Variants in CACNA2D3 observed in about 807,000 individuals in gnomAD.
CACNA2D3 encodes the protein calcium voltage-gated channel auxiliary subunit alpha2delta 3.
A neutral mutation model predicts 160.6 loss-of-function variants in CACNA2D3; 60 were observed. The observed-to-expected ratio is 0.37, with a 90% CI of 0.30 to 0.46. CACNA2D3 has a LOEUF of 0.46. CACNA2D3 is among the 20% of genes least tolerant of loss of function. The pLI is 1.00. For missense variants in CACNA2D3, 1,205 were observed against 1,365.0 expected, an observed-to-expected ratio of 0.88 and a Z score of 1.85; for synonymous variants, 558 against 492.9, an observed-to-expected ratio of 1.13 and a Z score of -1.75.
chr3:54,809,626 C>G (rs1490453195), intron 13 of CACNA2D3, among the ~76,000 whole-genome samples: 2 of 149,706 alleles, frequency 1.3e-5, no homozygotes, highest in Admixed American at 6.6e-5. Context: ...CCCCTTCCTT[C>G]TTTCTTTCTT....
At chr3:54,883,055 C>CT (rs1328895392) in intron 21 of CACNA2D3, among the ~76,000 whole-genome samples, 1 of 152,114 alleles carries the variant, frequency 6.6e-6, no homozygotes, top group Non-Finnish European at 1.5e-5. Flanking sequence ...GAGTCTTGCT[C>CT]TGTTGCTGAG....
At chr3:54,745,818 A>G (rs765357699) in intron 11 of CACNA2D3, among the ~76,000 whole-genome samples, 4 of 151,524 alleles carry the variant, frequency 2.6e-5, no homozygotes. Flanking sequence ...CTGAATTGGA[A>G]TTTTTTTTTC....
At chr3:54,584,144 A>G (rs1033839393) in intron 9 of CACNA2D3, among the ~76,000 whole-genome samples, 1 of 152,320 alleles carries the variant, frequency 6.6e-6, no homozygotes, top group East Asian at 1.9e-4. Context: ...GTCTCATAAT[A>G]TAAAATCCAT....
At chr3:54,645,998 C>T (rs1237023960) in intron 11 of CACNA2D3, among the ~76,000 whole-genome samples, 1 of 151,926 alleles carries the variant, frequency 6.6e-6, no homozygotes, top group African/African-American at 2.4e-5. Context: ...GTGGGCAGGA[C>T]CTGTGGCTTG....
At chr3:54,594,230 C>T (rs1195531994) in intron 9 of CACNA2D3, among the ~76,000 whole-genome samples, 1 of 152,122 alleles carries the variant, frequency 6.6e-6, no homozygotes, top group Non-Finnish European at 1.5e-5. Context: ...GTGGGCCATA[C>T]AATTTCTGCT....
chr3:54,719,135 C>A (rs922339171), intron 11 of CACNA2D3, among the ~76,000 whole-genome samples: 1 of 140,944 alleles, frequency 7.1e-6, no homozygotes, highest in African/African-American at 2.6e-5. Context: ...CCTTTTATTT[C>A]TTTTTCTTAC....
chr3:54,185,356 T>A (rs1406326531), intron 2 of CACNA2D3, among the ~76,000 whole-genome samples: 1 of 152,204 alleles, frequency 6.6e-6, no homozygotes, highest in Non-Finnish European at 1.5e-5. Context: ...AATTCTACTT[T>A]AATTTTTTCC....
At chr3:54,722,040 G>T (rs564823325) in intron 11 of CACNA2D3, among the ~76,000 whole-genome samples, 2 of 152,124 alleles carry the variant, frequency 1.3e-5, no homozygotes, top group African/African-American at 2.4e-5. Context: ...GTCACTTTCA[G>T]GTACACCAAT....
intron 13 of CACNA2D3, among the ~76,000 whole-genome samples, chr3:54,809,247 T>A (rs914238544): frequency 6.7e-6 from 1 of 149,158 alleles, no homozygotes; most frequent in Non-Finnish European, 1.5e-5. Flanking sequence ...TCTCCCTCTC[T>A]CTTCCTTTCT....
intron 16 of CACNA2D3, among the ~76,000 whole-genome samples, chr3:54,841,244 AT>A (rs1460439630): frequency 6.6e-5 from 10 of 152,220 alleles, no homozygotes; most frequent in Admixed American, 5.2e-4. Flanking sequence ...CTTCGGCCTC[AT>A]TTTTACTTAA....
At chr3:54,487,367 CA>C (rs1190272286) in intron 4 of CACNA2D3, among the ~76,000 whole-genome samples, 2 of 152,004 alleles carry the variant, frequency 1.3e-5, no homozygotes, top group Non-Finnish European at 2.9e-5. Context: ...GACCCTGTAT[CA>C]AAGGGGGAAA....
intron 9 of CACNA2D3, among the ~76,000 whole-genome samples, chr3:54,627,328 C>T (rs36021053): frequency 0.15 from 23,059 of 151,906 alleles, 1,861 homozygotes; most frequent in South Asian, 0.27. Flanking sequence ...ATACGTCATG[C>T]GGTGGGAAGA....
chr3:54,148,076 C>T (rs562335717), intron 2 of CACNA2D3, among the ~76,000 whole-genome samples: 1 of 152,238 alleles, frequency 6.6e-6, no homozygotes, highest in Admixed American at 6.5e-5. Context: ...GGATTACAGG[C>T]GTGAGCCACT....
intron 11 of CACNA2D3, among the ~76,000 whole-genome samples, chr3:54,698,884 C>A (rs1700714104): frequency 6.6e-6 from 1 of 152,044 alleles, no homozygotes; most frequent in South Asian, 2.1e-4. Flanking sequence ...TATAGACATA[C>A]AAGGACGTAT....
At chr3:54,291,983 T>C (rs1368661959) in intron 2 of CACNA2D3, among the ~76,000 whole-genome samples, 4 of 152,186 alleles carry the variant, frequency 2.6e-5, no homozygotes, top group Non-Finnish European at 5.9e-5. Flanking sequence ...AAAACAACAT[T>C]AGTTTGATGG....
At position 54,401,506 on chromosome 3, in the gene CACNA2D3, A is replaced by G. The variant is rs1392484161; in HGVS notation, c.381+14732A>G. 2.0e-5 allele frequency among the ~76,000 whole-genome samples: 3 copies of G among 152,234 alleles called. No individual in the cohort carries two copies. The South Asian group carries it at 6.2e-4, about 32-fold the overall frequency. ...GATAATTTTAAAAGAACAAGAGAAA[A>G]GTGTCAGGTCACATATAAGGGAAAT... On this transcript the variant is annotated intron_variant, in intron 4 of 37. Coordinates refer to ENST00000474759, the MANE Select transcript of CACNA2D3 (RefSeq NM_018398.3).
chr3:54,878,741 C>T (rs1362265822), intron 18 of CACNA2D3: 4 of 282,970 alleles, frequency 1.4e-5, no homozygotes, highest in East Asian at 1.2e-4. Context: ...CAGGAGTTCA[C>T]GCTCTGACCC....
chr3:55,059,718 A>G (rs1704456529), intron 35 of CACNA2D3, among the ~76,000 whole-genome samples: 1 of 152,124 alleles, frequency 6.6e-6, no homozygotes, highest in Non-Finnish European at 1.5e-5. Flanking sequence ...CAGGTCACAT[A>G]TGGACTTGAA....
At chr3:55,066,085 G>A (rs1309017031) in intron 35 of CACNA2D3, among the ~76,000 whole-genome samples, 1 of 152,028 alleles carries the variant, frequency 6.6e-6, no homozygotes, top group Non-Finnish European at 1.5e-5. Flanking sequence ...TCAACTTATG[G>A]GCCCAGGTCC....
Sources: gnomAD v4.1 joint callset for allele counts (sites outside exome capture counted in the v4.1 genomes callset) on GRCh38, gnomAD v4.1.1 for gene constraint, MANE v1.5 for transcripts, NCBI Gene and HGNC (gene_info 2026-07-23, HGNC 2026-07-21) for gene names.